The following NBAS variants were observed in gnomAD, a reference collection of about 807,000 sequenced individuals.
NBAS encodes NBAS subunit of NRZ tethering complex.
Under a neutral mutation model 302.5 loss-of-function variants are expected in NBAS, and 219 were observed. The ratio of observed to expected loss-of-function variants is 0.72; its 90% CI spans 0.65 to 0.81. The LOEUF (loss-of-function observed/expected upper bound fraction) is 0.81, where lower values mean the gene tolerates loss of function less well. NBAS is among the 30% of genes least tolerant of loss of function. NBAS has a pLI of 0.00. For synonymous variants in NBAS, 1,118 were observed against 1,021.6 expected (o/e 1.09, Z -1.80); for missense variants, 2,932 against 2,841.6 (o/e 1.03, Z -0.72).
intron 35 of NBAS, among the ~76,000 whole-genome samples, chr2:15,336,239 T>C (rs1672578019): frequency 2.6e-5 from 4 of 152,220 alleles, no homozygotes; most frequent in African/African-American, 9.6e-5. Context: ...ATACTATTAA[T>C]GCACTTACCA....
the NBAS span, among the ~76,000 whole-genome samples, chr2:14,800,549 T>C: frequency 6.6e-6 from 1 of 152,244 alleles, no homozygotes; most frequent in African/African-American, 2.4e-5. Context: ...TGATCTATTT[T>C]CTGAAACTCT....
In NBAS at chr2:15,511,340, C is replaced by T. The variant is rs1662134686; in HGVS notation, c.757G>A (p.Val253Ile). ...ACTTCAGCAGTTTCACATCCACCAA[C>T]AAGTAAAAGTCTAAAAAGGAGAAAA... Reference protein sequence around the residue: ...IYHPGHRLLLVGGCETAEVGM... With the variant: ...IYHPGHRLLLIGGCETAEVGM... Residue 253 changes from valine (V) to isoleucine (I), a missense_variant, in exon 10 of 52, where the codon GTT becomes ATT. Val to Ile is a conservative substitution (Grantham distance 29). Transcript: ENST00000281513. The T allele has an allele frequency of 2.5e-6, 4 of 1,613,788 alleles. No individual in the cohort carries two copies. Among genetic ancestry groups the T allele is most frequent in the Non-Finnish European group, 2.5e-6 (3 of 1,179,896 alleles).
chr2:15,113,762 C>T, the NBAS span, among the ~76,000 whole-genome samples: 1 of 151,872 alleles, frequency 6.6e-6, no homozygotes, highest in African/African-American at 2.4e-5. Context: ...ATTTGCTCTG[C>T]TCTTTTTTTT....
chr2:15,149,564 C>A, the NBAS span, among the ~76,000 whole-genome samples: 1 of 152,186 alleles, frequency 6.6e-6, no homozygotes, highest in Non-Finnish European at 1.5e-5. Flanking sequence ...CAACTCACTG[C>A]AGCCTCAACT....
the NBAS span, among the ~76,000 whole-genome samples, chr2:15,099,301 C>G: frequency 1.3e-5 from 2 of 151,842 alleles, no homozygotes; most frequent in African/African-American, 4.8e-5. Context: ...GTCTCCTCCC[C>G]GCCGACCCCC....
At chr2:15,061,568 A>G in the NBAS span, among the ~76,000 whole-genome samples, 1 of 152,218 alleles carries the variant, frequency 6.6e-6, no homozygotes, top group Non-Finnish European at 1.5e-5. Flanking sequence ...GTCACAGGGC[A>G]CATACATGGT....
chr2:15,431,576 G>A (rs1677766573), intron 21 of NBAS, among the ~76,000 whole-genome samples: 1 of 151,880 alleles, frequency 6.6e-6, no homozygotes, highest in Non-Finnish European at 1.5e-5. Context: ...TGAATTAATT[G>A]ACAACACAAC....
intron 11 of NBAS, among the ~76,000 whole-genome samples, chr2:15,502,149 T>A (rs142451663): frequency 6.6e-6 from 1 of 152,260 alleles, no homozygotes; most frequent in Admixed American, 6.5e-5. Context: ...CAAACACATC[T>A]CTGACACTGG....
At chr2:15,427,272 A>G (rs1281093461) in intron 22 of NBAS, among the ~76,000 whole-genome samples, 4 of 152,074 alleles carry the variant, frequency 2.6e-5, no homozygotes, top group Admixed American at 2.0e-4. Context: ...TATTCCTCAC[A>G]TGAATTTTCA....
At chr2:14,965,966 T>TTAA in the NBAS span, among the ~76,000 whole-genome samples, 1 of 152,110 alleles carries the variant, frequency 6.6e-6, no homozygotes, top group African/African-American at 2.4e-5. Flanking sequence ...TGGATTAGGG[T>TTAA]AGGCCTGGTG....
At chr2:15,234,855 G>A in intron 45 of NBAS, 108 bp from the exon 46 acceptor site, 1 of 1,121,296 alleles carries the variant, frequency 8.9e-7, no homozygotes, top group South Asian at 1.3e-5. Context: ...ATGAAAAGCA[G>A]CAACACCATA....
chr2:15,524,586 G>A (rs1662833403), intron 9 of NBAS, among the ~76,000 whole-genome samples: 1 of 152,064 alleles, frequency 6.6e-6, no homozygotes, highest in East Asian at 1.9e-4. Context: ...CTCCTTATGG[G>A]CCCAGTTTTT....
chr2:15,117,232 AC>A, the NBAS span, among the ~76,000 whole-genome samples: 1 of 152,092 alleles, frequency 6.6e-6, no homozygotes, highest in Non-Finnish European at 1.5e-5. Context: ...GGGCAACATA[AC>A]CTGCTCAAAA....
intron 11 of NBAS, among the ~76,000 whole-genome samples, chr2:15,498,929 C>CTT (rs374067971): frequency 3.7e-5 from 5 of 133,504 alleles, no homozygotes; most frequent in Non-Finnish European, 6.5e-5. Flanking sequence ...CAGGGAGTTA[C>CTT]TTTTTTTTTT....
At chr2:15,504,037 C>T in intron 11 of NBAS, 108 bp downstream of exon 11, 2 of 835,350 alleles carry the variant, frequency 2.4e-6, no homozygotes, top group East Asian at 2.5e-5. Flanking sequence ...TATGAATACA[C>T]TCAGATGAAG....
At chr2:15,271,684 G>A (rs576408904) in intron 44 of NBAS, among the ~76,000 whole-genome samples, 2 of 152,268 alleles carry the variant, frequency 1.3e-5, no homozygotes, top group South Asian at 2.1e-4. Flanking sequence ...ACTAGCTATT[G>A]ACAGCAAGTG....
intron 44 of NBAS, among the ~76,000 whole-genome samples, chr2:15,260,353 T>C (rs1241420572): frequency 6.6e-6 from 1 of 152,204 alleles, no homozygotes; most frequent in Non-Finnish European, 1.5e-5. Flanking sequence ...CTGGCTCTTA[T>C]CAGGCTTACT....
intron 25 of NBAS, among the ~76,000 whole-genome samples, chr2:15,413,772 C>T (rs1054217947): frequency 2.6e-5 from 4 of 152,144 alleles, no homozygotes; most frequent in African/African-American, 9.7e-5. Context: ...ATGACATGAT[C>T]ACATATATGT....
the NBAS span, among the ~76,000 whole-genome samples, chr2:14,937,616 AT>A: frequency 1.3e-5 from 2 of 152,236 alleles, no homozygotes; most frequent in South Asian, 4.1e-4. Context: ...GGGGACTTTG[AT>A]TCTAGGAGAA....
Sources: allele counts gnomAD v4.1 joint callset (sites outside exome capture counted in the v4.1 genomes callset), GRCh38; gene constraint gnomAD v4.1.1; transcripts MANE v1.5; gene names NCBI Gene and HGNC (gene_info 2026-07-23, HGNC 2026-07-21).